Variants in PGK1 observed in about 807,000 individuals in gnomAD.
PGK1 encodes PRP 2.
Under a neutral mutation model 26.9 loss-of-function variants are expected in PGK1, and 3 were observed. The ratio of observed to expected loss-of-function variants is 0.11; its 90% CI spans 0.05 to 0.29. PGK1 has a LOEUF of 0.29. Among genes scored for constraint, PGK1 ranks in the 10% least tolerant of loss-of-function variants. The pLI is 1.00. For missense variants in PGK1, 270 were observed against 314.7 expected, an observed-to-expected ratio of 0.86 and a Z score of 1.07; for synonymous variants, 125 against 115.3, an observed-to-expected ratio of 1.08 and a Z score of -0.54.
Position 78,117,371 on chromosome X carries a change from T to C in PGK1, c.477T>C (p.Asp159=). Residue 159 remains aspartate (D), a synonymous_variant, in exon 5 of 11, where the codon GAT becomes GAC. Transcript: ENST00000373316. The part of the protein sequence containing the change: ...AFRASLSKLG[D]VYVNDAFGTA... Reference sequence around the variant, plus strand: ...GAGCTTCACTTTCCAAGCTAGGGGATGTCTATGTCAATGATGCTTTTGGCA... The same window carrying C: ...GAGCTTCACTTTCCAAGCTAGGGGACGTCTATGTCAATGATGCTTTTGGCA... The C allele has an allele frequency of 1.7e-6, 2 of 1,206,217 alleles. No individual in the cohort carries two copies. The highest frequency in any genetic ancestry group is 2.2e-6 in the Non-Finnish European group (2 of 890,327).
chrX:78,112,603 GTTTT>G (rs2078306735), intron 2 of PGK1, among the ~76,000 whole-genome samples: 1 of 111,961 alleles, frequency 8.9e-6, no homozygotes, highest in Non-Finnish European at 1.9e-5. Flanking sequence ...GTTACTACAT[GTTTT>G]TTATTTTTCC....
Position 78,114,153 on chromosome X carries a change from G to C in PGK1, c.410G>C (p.Gly137Ala). Residue 137 changes from glycine to alanine, a missense_variant, in exon 4 of 11, where the codon GGG (glycine) becomes GCG (alanine). Gly to Ala is a moderately conservative substitution (Grantham distance 60, BLOSUM62 0). Around this residue, in one of 3 missense-constraint regions of PGK1, gnomAD observed 150 missense variants for 154.6 expected, o/e 0.97. Coordinates refer to ENST00000373316, the MANE Select transcript of PGK1 (RefSeq NM_000291.4). ...GAAGGGAAGGGAAAAGATGCTTCTGGGAACAAGGTAGGACCTGTGATTTTG... is the reference window on the plus strand; with the variant it reads ...GAAGGGAAGGGAAAAGATGCTTCTGCGAACAAGGTAGGACCTGTGATTTTG... The part of the protein sequence containing the change: ...EEEGKGKDAS[G>A]NKVKAEPAKI... 8.3e-7 allele frequency: 1 copy of C among 1,210,320 alleles called. No homozygotes were observed. Among genetic ancestry groups the C allele is most frequent in the Non-Finnish European group, 1.1e-6 (1 of 894,169 alleles).
rs1355762447 is a variant in PGK1, at chrX:78,127,579, A to G, written c.*1749A>G. 1 of 111,998 alleles carries G rather than the reference A, an allele frequency of 8.9e-6. No homozygotes were observed. Among genetic ancestry groups the G allele is most frequent in the Non-Finnish European group, 1.9e-5 (1 of 53,244 alleles). The allele number at this position is 111,998 out of a possible 1,213,427, so 9.2% of individuals were successfully genotyped here. On this transcript the variant is annotated 3_prime_UTR_variant, in exon 11 of 11. Transcript: ENST00000373316. ...TTCAAGTCCAGGTTTGTCTGGTTCC[A>G]GTGGCTGATGCTTTTCCAATGTGCC... is the stretch of plus-strand genomic sequence containing the variant.
At chrX:78,125,128 T>A (rs782566461) in intron 9 of PGK1, 77 bp downstream of exon 9, 81 of 894,318 alleles carry the variant, frequency 9.1e-5, no homozygotes, top group Admixed American at 6.4e-4. Flanking sequence ...ATGGAGAACT[T>A]CTTCTATGTC....
intron 9 of PGK1, 53 bp from the exon 10 acceptor site, chrX:78,125,273 TC>T: frequency 4.1e-6 from 4 of 981,535 alleles, no homozygotes; most frequent in Non-Finnish European, 5.8e-6. Flanking sequence ...TTGGTGCCAA[TC>T]CCTTTTTTTT....
intron 2 of PGK1, among the ~76,000 whole-genome samples, chrX:78,112,538 A>G (rs782393653): frequency 8.9e-6 from 1 of 112,466 alleles, no homozygotes; most frequent in South Asian, 3.6e-4. Context: ...AGACAGTGCA[A>G]TTATTTTTTC....
Position 78,127,246 on chromosome X carries a change from G to C in PGK1, c.*1416G>C, listed in dbSNP as rs1557248799. 2.7e-5 allele frequency: 3 copies of C among 112,625 alleles called. No individual in the cohort carries two copies. The highest frequency in any genetic ancestry group is 9.7e-5 in the African/African-American group (3 of 30,998). The allele number at this position is 112,625 out of a possible 1,213,427, so 9.3% of individuals were successfully genotyped here. A position where few individuals can be genotyped will look rare whatever the true frequency, so the allele number is the denominator to read the frequency against. On this transcript the variant is annotated 3_prime_UTR_variant, in exon 11 of 11. Transcript: ENST00000373316. ...ATGTCTTTATTCGACCCTTATACTT[G>C]ATTCCTAGTTTGGCTATATATAGAA...
rs781826769 is a variant in PGK1 at position 78,126,333 on chromosome X, G to C, written c.*503G>C. ...GGGTGAGAATAGAATCTTGAGGAAC[G>C]GATCAGATGTCTATATTGCTGAATG... On this transcript the variant is annotated 3_prime_UTR_variant, in exon 11 of 11. Transcript: ENST00000373316. 1.6e-5 allele frequency: 2 copies of C among 124,391 alleles called. No individual in the cohort carries two copies. The highest frequency in any genetic ancestry group is 8.1e-5 in the Admixed American group (1 of 12,288). The allele number at this position is 124,391 out of a possible 1,213,427, so 10.3% of individuals were successfully genotyped here.
intron 8 of PGK1, 90 bp from the exon 9 acceptor site, chrX:78,124,784 G>A (rs1603398706): frequency 2.7e-6 from 2 of 751,613 alleles, no homozygotes; most frequent in Non-Finnish European, 4.2e-6. Flanking sequence ...AGAAACTTTG[G>A]TGTGCAGCCC....
At position 78,109,725 on chromosome X, in the gene PGK1, A is replaced by G. The variant is rs782530183; in HGVS notation, c.66-142A>G. 16 of 510,517 alleles carry G rather than the reference A, an allele frequency of 3.1e-5. 2 individuals are homozygous for G. In the South Asian group the frequency reaches 4.2e-4, roughly 13 times the overall value. The allele number at this position is 510,517 out of a possible 1,213,427, so 42.1% of individuals were successfully genotyped here. On this transcript the variant is annotated intron_variant, in intron 1 of 10. Transcript: ENST00000373316. ...CCCGCCATCCTCCCCATGACTAACC[A>G]CTATTTTGACTTTTAATGCCACTGA...
intron 2 of PGK1, among the ~76,000 whole-genome samples, chrX:78,110,660 A>C (rs1194056855): frequency 3.6e-5 from 4 of 110,618 alleles, no homozygotes; most frequent in Non-Finnish European, 7.6e-5. Context: ...CTTCTCTTGC[A>C]AAATGAAGAA....
intron 4 of PGK1, 55 bp downstream of exon 4, chrX:78,114,215 CTG>C (rs2149132321): frequency 4.5e-6 from 5 of 1,106,034 alleles, no homozygotes; most frequent in Non-Finnish European, 6.3e-6. Context: ...CTGTAAGAGA[CTG>C]TGGTTGAAGA....
At chrX:78,122,093 A>G (rs2078358104) in intron 6 of PGK1, among the ~76,000 whole-genome samples, 1 of 110,973 alleles carries the variant, frequency 9.0e-6, no homozygotes, top group Non-Finnish European at 1.9e-5. Flanking sequence ...CTGTGGTCGC[A>G]GCTACTTGAG....
At chrX:78,120,336 CACACACACACACATATATAT>C (rs1557247887) in intron 6 of PGK1, among the ~76,000 whole-genome samples, 2 of 93,851 alleles carry the variant, frequency 2.1e-5, no homozygotes, top group South Asian at 5.3e-4. Flanking sequence ...AATGTACACA[CACACACACACACATATATAT>C]ACACACACAC....
chrX:78,110,117 C>G (rs1297550016), intron 2 of PGK1, among the ~76,000 whole-genome samples, 200 bp downstream of exon 2: 1 of 111,160 alleles, frequency 9.0e-6, no homozygotes, highest in Non-Finnish European at 1.9e-5. Context: ...AAAGTGATTC[C>G]CCTTCCCTTG....
chrX:78,128,497 A>T lies in PGK1; in HGVS notation c.*2667A>T, dbSNP rs1342818612. The T allele has an allele frequency of 8.9e-6, 1 of 112,789 alleles. No homozygotes were observed. Among genetic ancestry groups the T allele is most frequent in the Non-Finnish European group, 1.9e-5 (1 of 53,407 alleles). The allele number at this position is 112,789 out of a possible 1,213,427, so 9.3% of individuals were successfully genotyped here. On this transcript the variant is annotated 3_prime_UTR_variant, in exon 11 of 11. Coordinates refer to ENST00000373316, the MANE Select transcript of PGK1 (RefSeq NM_000291.4). ...GAGGTGGAGGTTGCAGTGAGCTGAGATCACGCTACTGCATTCCTGCTTGGG... is the reference window on the plus strand; with the variant it reads ...GAGGTGGAGGTTGCAGTGAGCTGAGTTCACGCTACTGCATTCCTGCTTGGG...
At position 78,128,221 on chromosome X, in the gene PGK1, A is replaced by G. The variant is rs2078391473; in HGVS notation, c.*2391A>G. ...GGAATTTTTAACCTAACCAAAGAAG[A>G]TAGTAGATAACTTGTGTGCATATAA... On this transcript the variant is annotated 3_prime_UTR_variant, in exon 11 of 11. Coordinates refer to ENST00000373316, the MANE Select transcript of PGK1 (RefSeq NM_000291.4). 8.8e-6 allele frequency: 1 copy of G among 113,322 alleles called. No individual in the cohort carries two copies. The highest frequency in any genetic ancestry group is 3.2e-5 in the African/African-American group (1 of 31,255). 9.3% of individuals were successfully genotyped at this position (113,322 alleles called of 1,213,427 possible).
At chrX:78,109,172 A>G (rs1603396589) in intron 1 of PGK1, among the ~76,000 whole-genome samples, 1 of 111,389 alleles carries the variant, frequency 9.0e-6, no homozygotes. Context: ...CCTGTTTGTC[A>G]GGTGGGCTGG....
chrX:78,125,793 A>G lies in PGK1; in HGVS notation c.1217A>G (p.Lys406Arg). 1.7e-6 allele frequency: 2 copies of G among 1,202,723 alleles called. No homozygotes were observed. Among genetic ancestry groups the G allele is most frequent in the Non-Finnish European group, 2.3e-6 (2 of 887,272 alleles). The change falls in exon 11 of 11, where the codon AAA becomes AGA. Residue 406 changes from lysine (K) to arginine (R), a missense_variant. Around this residue, in one of 3 missense-constraint regions of PGK1, gnomAD observed 103 missense variants for 114.6 expected, o/e 0.90. Transcript: ENST00000373316. ...GGASLELLEG[K>R]VLPGVDALSN... is the part of the protein sequence containing the mutation. ...ATGTGTGCTCTCTCAAAAACAGGTA[A>G]AGTCCTTCCTGGGGTGGATGCTCTC...
Sources: gnomAD v4.1 joint callset for allele counts (sites outside exome capture counted in the v4.1 genomes callset) on GRCh38, gnomAD v4.1.1 for gene constraint, gnomAD v4.1.1 regional missense constraint, MANE v1.5 for transcripts, NCBI Gene and HGNC (gene_info 2026-07-23, HGNC 2026-07-21) for gene names.